Variants in HS6ST2 observed in about 807,000 individuals in gnomAD.
The protein encoded by HS6ST2 is heparan-sulfate 6-O-sulfotransferase 2.
A neutral mutation model predicts 33.0 loss-of-function variants in HS6ST2; 17 were observed. That is an observed-to-expected ratio of 0.52 (90% confidence interval 0.35 to 0.77). The LOEUF (loss-of-function observed/expected upper bound fraction) is 0.77, where lower values mean the gene tolerates loss of function less well. Ranked by LOEUF, HS6ST2 falls within the 30% of genes least tolerant of loss-of-function variation. The probability of loss-of-function intolerance (pLI) is 0.01; values close to 1 mark genes in which losing one functional copy is unlikely to be tolerated. For synonymous variants in HS6ST2, 248 were observed against 237.1 expected (o/e 1.05, Z -0.42); for missense variants, 519 against 551.7 (o/e 0.94, Z 0.59).
In HS6ST2 at chrX:132,956,873, G is replaced by T. The variant is rs1269658504; in HGVS notation, c.882C>A (p.Thr294=). Residue 294 remains threonine, a synonymous_variant, in exon 2 of 5, where the codon ACC becomes ACA. Coordinates refer to ENST00000370833, the MANE Select transcript of HS6ST2 (RefSeq NM_001394073.1). ...GWSCGLHADW[T]ELTSCVPSVV... ...CGGAGGGCACACAGCTGGTGAGCTC[G>T]GTCCAGTCGGCGTGCAACCCGCAGC... 2 of 1,188,234 alleles carry T rather than the reference G, an allele frequency of 1.7e-6. No individual in the cohort carries two copies. The highest frequency in any genetic ancestry group is 6.2e-5 in the East Asian group (2 of 32,371).
intron 2 of HS6ST2, among the ~76,000 whole-genome samples, chrX:132,811,238 T>C (rs1329070045): frequency 1.8e-5 from 2 of 111,306 alleles, no homozygotes; most frequent in African/African-American, 6.5e-5. Context: ...GTGTCTGCTC[T>C]GGATTTGCTA....
At chrX:132,702,876 A>G (rs2064156576) in intron 3 of HS6ST2, among the ~76,000 whole-genome samples, 1 of 111,951 alleles carries the variant, frequency 8.9e-6, no homozygotes, top group Non-Finnish European at 1.9e-5. Context: ...CATGTCTAGA[A>G]CAGTGCCTGG....
chrX:132,875,355 G>A (rs2066100052), intron 2 of HS6ST2, among the ~76,000 whole-genome samples: 1 of 111,651 alleles, frequency 9.0e-6, no homozygotes, highest in Non-Finnish European at 1.9e-5. Flanking sequence ...AGTGGTTTGA[G>A]GATCCTTGGT....
chrX:132,670,692 A>G (rs760892576), intron 3 of HS6ST2, among the ~76,000 whole-genome samples: 2 of 112,578 alleles, frequency 1.8e-5, no homozygotes, highest in Non-Finnish European at 3.8e-5. Flanking sequence ...GGGCGTCTGT[A>G]ATCCCAGCTA....
chrX:132,712,950 G>A (rs1442240168), intron 2 of HS6ST2, among the ~76,000 whole-genome samples: 1 of 111,113 alleles, frequency 9.0e-6, no homozygotes, highest in Admixed American at 9.6e-5. Context: ...ACTTGAACCC[G>A]GGAGGAGGAG....
intron 2 of HS6ST2, among the ~76,000 whole-genome samples, chrX:132,830,921 A>G (rs2065583230): frequency 8.9e-6 from 1 of 111,836 alleles, no homozygotes; most frequent in African/African-American, 3.2e-5. Flanking sequence ...ATTAATCCAC[A>G]TGTACCTTTC....
At chrX:132,683,269 A>G (rs180928077) in intron 3 of HS6ST2, among the ~76,000 whole-genome samples, 65 of 112,153 alleles carry the variant, frequency 5.8e-4, no homozygotes, top group Non-Finnish European at 3.9e-4. Context: ...TCCATGACCT[A>G]TGGATAACAA....
At chrX:132,796,084 G>A (rs1021835717) in intron 2 of HS6ST2, among the ~76,000 whole-genome samples, 6 of 111,737 alleles carry the variant, frequency 5.4e-5, no homozygotes, top group African/African-American at 2.0e-4. Context: ...CTGGCATGTG[G>A]CACTTACCAT....
At chrX:132,810,868 G>A (rs898669516) in intron 2 of HS6ST2, among the ~76,000 whole-genome samples, 3 of 112,407 alleles carry the variant, frequency 2.7e-5, no homozygotes, top group African/African-American at 9.7e-5. Context: ...CCCACTGGCT[G>A]ACTGCAGCTG....
intron 2 of HS6ST2, among the ~76,000 whole-genome samples, chrX:132,791,741 C>T (rs1161571325): frequency 1.8e-5 from 2 of 109,200 alleles, no homozygotes; most frequent in African/African-American, 6.7e-5. Context: ...TTGGGTTTGT[C>T]ATGTTAAACC....
intron 2 of HS6ST2, among the ~76,000 whole-genome samples, chrX:132,764,374 A>G (rs910898873): frequency 8.9e-6 from 1 of 112,114 alleles, no homozygotes; most frequent in Non-Finnish European, 1.9e-5. Flanking sequence ...TTGAACAACC[A>G]TTGACATTTT....
intron 2 of HS6ST2, among the ~76,000 whole-genome samples, chrX:132,813,498 G>A (rs1162293102): frequency 8.9e-6 from 1 of 111,766 alleles, no homozygotes; most frequent in Non-Finnish European, 1.9e-5. Context: ...TACTGAACAC[G>A]TGGAGGACTC....
In HS6ST2 at chrX:132,628,228, G is replaced by A. The variant is rs905656861; in HGVS notation, c.1933C>T (p.Arg645Cys). ...NDYIGSVEKW[R>C] Reference sequence around the variant, plus strand: ...TACAGGCCTTTTTGAGCCATTTAACGCCATTTCTCTACACTGCCTATGTAG... The same window carrying A: ...TACAGGCCTTTTTGAGCCATTTAACACCATTTCTCTACACTGCCTATGTAG... Residue 645 changes from arginine (R) to cysteine (C), a missense_variant, in exon 5 of 5, where the codon CGT becomes TGT. Transcript: ENST00000370833. The A allele has an allele frequency of 1.2e-5, 14 of 1,151,059 alleles. No homozygotes were observed. The highest frequency in any genetic ancestry group is 1.8e-5 in the African/African-American group (1 of 55,279). The allele number at this position is 1,151,059 out of a possible 1,213,427, so 94.9% of individuals were successfully genotyped here.
chrX:132,884,024 T>C (rs2066217797), intron 2 of HS6ST2, among the ~76,000 whole-genome samples: 1 of 112,072 alleles, frequency 8.9e-6, no homozygotes, highest in Non-Finnish European at 1.9e-5. Context: ...ATGTACTGTT[T>C]TGTGTGGTTT....
At chrX:132,778,181 T>C (rs770979222) in intron 2 of HS6ST2, among the ~76,000 whole-genome samples, 2 of 111,653 alleles carry the variant, frequency 1.8e-5, no homozygotes, top group Non-Finnish European at 3.8e-5. Context: ...ATAAAGGCAA[T>C]CACAACCAAA....
intron 3 of HS6ST2, among the ~76,000 whole-genome samples, chrX:132,692,469 C>T (rs1452947235): frequency 3.6e-5 from 4 of 110,888 alleles, no homozygotes; most frequent in African/African-American, 9.9e-5. Context: ...GCTTGACAAC[C>T]GTACGCAGCT....
At chrX:132,892,187 T>G (rs1192610978) in intron 2 of HS6ST2, among the ~76,000 whole-genome samples, 1 of 112,288 alleles carries the variant, frequency 8.9e-6, no homozygotes, top group Non-Finnish European at 1.9e-5. Flanking sequence ...TTTTGTTCTT[T>G]CAAAATGTTC....
intron 3 of HS6ST2, among the ~76,000 whole-genome samples, chrX:132,670,328 G>A (rs1275528089): frequency 1.8e-5 from 2 of 111,573 alleles, no homozygotes; most frequent in Non-Finnish European, 3.8e-5. Context: ...GGTGGGCTGG[G>A]GGTCACAAAA....
At chrX:132,679,292 C>T (rs1008677077) in intron 3 of HS6ST2, among the ~76,000 whole-genome samples, 5 of 111,966 alleles carry the variant, frequency 4.5e-5, no homozygotes, top group African/African-American at 1.3e-4. Flanking sequence ...TTTCCCTAAG[C>T]GTCAGCCAGT....
Sources: gnomAD v4.1 joint callset for allele counts (sites outside exome capture counted in the v4.1 genomes callset) on GRCh38, gnomAD v4.1.1 for gene constraint, MANE v1.5 for transcripts, NCBI Gene and HGNC (gene_info 2026-07-23, HGNC 2026-07-21) for gene names.